Variants in RIN2 observed in about 807,000 individuals in gnomAD.
The protein encoded by RIN2 is Ras and Rab interactor 2.
Under a neutral mutation model 78.0 loss-of-function variants are expected in RIN2, and 36 were observed. That is an observed-to-expected ratio of 0.46 (90% CI 0.35 to 0.61). The LOEUF is 0.61. RIN2 is among the 20% of genes least tolerant of loss of function. RIN2 has a pLI of 0.00. For synonymous variants in RIN2, 466 were observed against 466.8 expected (o/e 1.00, Z 0.02); for missense variants, 1,087 against 1,159.7 (o/e 0.94, Z 0.91).
intron 4 of RIN2, among the ~76,000 whole-genome samples, chr20:19,936,022 A>G (rs765257059): frequency 3.9e-5 from 6 of 152,198 alleles, no homozygotes; most frequent in African/African-American, 1.2e-4. Flanking sequence ...AAGTCATGCA[A>G]CAGGCAGGCC....
In RIN2 at chr20:19,977,110, G is replaced by A. The variant is rs139161626; in HGVS notation, c.1762+1323G>A. ...TTTTTCCCCATCCCACCAGAGACCC[G>A]CTCTCAAGGGAGACCATATCTGACT... On this transcript the variant is annotated intron_variant, in intron 9 of 12. Transcript: ENST00000255006. Among the ~76,000 whole-genome samples, 291 of 152,182 alleles carry A rather than the reference G, an allele frequency of 1.9e-3. 1 individual carries two copies. The highest frequency in any genetic ancestry group is 6.6e-3 in the African/African-American group (275 of 41,528).
chr20:19,987,518 G>C (rs1388587543), intron 9 of RIN2, among the ~76,000 whole-genome samples: 1 of 152,172 alleles, frequency 6.6e-6, no homozygotes, highest in African/African-American at 2.4e-5. Flanking sequence ...AGTCATCTCT[G>C]AGCCTCAGTT....
intron 1 of RIN2, among the ~76,000 whole-genome samples, chr20:19,774,418 T>G (rs143782541): frequency 1.3e-5 from 2 of 152,268 alleles, no homozygotes; most frequent in East Asian, 3.9e-4. Flanking sequence ...AAAAGCAATA[T>G]TTTTGCAACT....
intron 2 of RIN2, among the ~76,000 whole-genome samples, chr20:19,850,990 AAAGGAAGGAAGG>A (rs199637524): frequency 0.17 from 17,183 of 99,112 alleles, 1,804 homozygotes; most frequent in Non-Finnish European, 0.2. Context: ...GAAAGGGAGA[AAAGGAAGGAAGG>A]AAGGAAGGAA....
At chr20:19,933,063 C>T (rs941234863) in intron 3 of RIN2, among the ~76,000 whole-genome samples, 2 of 152,326 alleles carry the variant, frequency 1.3e-5, no homozygotes, top group Admixed American at 6.5e-5. Flanking sequence ...TCCACCACTA[C>T]CACCTCGGTC....
At chr20:19,928,980 C>A (rs1264088470) in intron 3 of RIN2, among the ~76,000 whole-genome samples, 1 of 152,188 alleles carries the variant, frequency 6.6e-6, no homozygotes, top group African/African-American at 2.4e-5. Flanking sequence ...GTGGCTATCC[C>A]TTGGGTTGGG....
intron 9 of RIN2, among the ~76,000 whole-genome samples, chr20:19,979,328 A>C (rs1007919375): frequency 6.6e-6 from 1 of 152,258 alleles, no homozygotes; most frequent in Non-Finnish European, 1.5e-5. Context: ...AGTCAGTAGC[A>C]GAAAAGAGAC....
At chr20:19,981,549 T>C (rs2042454771) in intron 9 of RIN2, among the ~76,000 whole-genome samples, 1 of 152,220 alleles carries the variant, frequency 6.6e-6, no homozygotes, top group Non-Finnish European at 1.5e-5. Flanking sequence ...TGGTCTCTTC[T>C]TCCCTGCTTT....
At chr20:19,798,731 A>G (rs1379514214) in intron 1 of RIN2, among the ~76,000 whole-genome samples, 1 of 152,148 alleles carries the variant, frequency 6.6e-6, no homozygotes, top group Non-Finnish European at 1.5e-5. Flanking sequence ...AAAAATGCCC[A>G]CTTCTGCCAA....
chr20:19,965,764 A>G (rs2041918712), intron 7 of RIN2, among the ~76,000 whole-genome samples: 1 of 152,038 alleles, frequency 6.6e-6, no homozygotes, highest in Admixed American at 6.5e-5. Context: ...GGCGCCTACC[A>G]CTATGCCTGG....
intron 5 of RIN2, among the ~76,000 whole-genome samples, chr20:19,959,762 T>G (rs769064626): frequency 6.6e-6 from 1 of 152,098 alleles, no homozygotes; most frequent in Non-Finnish European, 1.5e-5. Flanking sequence ...AGGGCCATGC[T>G]CCACAGAAGG....
At chr20:19,913,940 T>A (rs1239055708) in intron 3 of RIN2, among the ~76,000 whole-genome samples, 1 of 152,178 alleles carries the variant, frequency 6.6e-6, no homozygotes, top group African/African-American at 2.4e-5. Context: ...TTGCCCCGAA[T>A]AAAAATATTA....
chr20:19,806,053 C>G (rs1338874899), intron 2 of RIN2, among the ~76,000 whole-genome samples: 1 of 152,120 alleles, frequency 6.6e-6, no homozygotes, highest in African/African-American at 2.4e-5. Flanking sequence ...TGAACTCATC[C>G]TTCTTTATGG....
chr20:19,834,372 G>A (rs1168305510), intron 2 of RIN2, among the ~76,000 whole-genome samples: 1 of 152,202 alleles, frequency 6.6e-6, no homozygotes, highest in Non-Finnish European at 1.5e-5. Context: ...GATAGCCCAT[G>A]TTTATGGGGC....
At chr20:19,925,215 G>A (rs2040181307) in intron 3 of RIN2, among the ~76,000 whole-genome samples, 1 of 152,142 alleles carries the variant, frequency 6.6e-6, no homozygotes, top group Admixed American at 6.5e-5. Context: ...CCCAGCTCTG[G>A]CCATGTTGTA....
rs1353090730 is a variant in RIN2 at position 20,001,467 on chromosome 20, A to G, written c.*531A>G. On this transcript the variant is annotated 3_prime_UTR_variant, in exon 13 of 13. Coordinates refer to ENST00000255006, the MANE Select transcript of RIN2 (RefSeq NM_018993.4). ...AGGTAAACTGTCAGGATTGGTTTTAAAATATTTTTGTAACTTTAAAATATT... is the reference window on the plus strand; with the variant it reads ...AGGTAAACTGTCAGGATTGGTTTTAGAATATTTTTGTAACTTTAAAATATT... 2 of 150,948 alleles carry G rather than the reference A, an allele frequency of 1.3e-5. No homozygotes were observed. The highest frequency in any genetic ancestry group is 6.7e-5 in the Admixed American group (1 of 15,012). 9.4% of individuals were successfully genotyped at this position (150,948 alleles called of 1,614,324 possible). A position where few individuals can be genotyped will look rare whatever the true frequency, so the allele number is the denominator to read the frequency against.
At chr20:19,890,830 G>A (rs1023873157) in intron 3 of RIN2, among the ~76,000 whole-genome samples, 3 of 152,106 alleles carry the variant, frequency 2.0e-5, no homozygotes, top group South Asian at 2.1e-4. Flanking sequence ...TATAGGATTC[G>A]GGGATCTAGG....
At chr20:19,798,763 T>C (rs2035149412) in intron 1 of RIN2, among the ~76,000 whole-genome samples, 1 of 152,194 alleles carries the variant, frequency 6.6e-6, no homozygotes, top group South Asian at 2.1e-4. Context: ...TTAATGGTGA[T>C]GGTCAAAGGG....
At chr20:19,788,474 C>A (rs1440273089) in intron 1 of RIN2, among the ~76,000 whole-genome samples, 1 of 138,214 alleles carries the variant, frequency 7.2e-6, no homozygotes. Context: ...TGGTGGCAGG[C>A]ACCTGTAATC....
Sources: gnomAD v4.1 joint callset for allele counts (sites outside exome capture counted in the v4.1 genomes callset) on GRCh38, gnomAD v4.1.1 for gene constraint, MANE v1.5 for transcripts, NCBI Gene and HGNC (gene_info 2026-07-23, HGNC 2026-07-21) for gene names.